Variants in BCKDHB observed in about 807,000 individuals in gnomAD.
BCKDHB encodes the protein branched chain keto acid dehydrogenase E1 subunit beta.
A neutral mutation model predicts 48.5 loss-of-function variants in BCKDHB; 41 were observed. That is an observed-to-expected ratio of 0.85 (90% CI 0.66 to 1.10). The LOEUF (loss-of-function observed/expected upper bound fraction) is 1.10. BCKDHB is among the 50% of genes least tolerant of loss of function. The pLI is 0.00. For synonymous variants in BCKDHB, 201 were observed against 174.8 expected (o/e 1.15, Z -1.18); for missense variants, 496 against 494.2 (o/e 1.00, Z -0.03).
Position 80,208,932 on chromosome 6 carries a change from A to G in BCKDHB, c.951+5720A>G, listed in dbSNP as rs75911965. 1.8e-4 allele frequency among the ~76,000 whole-genome samples: 28 copies of G among 151,964 alleles called. No homozygotes were observed. In the East Asian group the frequency reaches 5.0e-3, roughly 27 times the overall value. On this transcript the variant is annotated intron_variant, in intron 8 of 9. Coordinates refer to ENST00000320393, the MANE Select transcript of BCKDHB (RefSeq NM_183050.4). ...TAAGGCCAGCATAATCTTAATATCA[A>G]ACGTATTTAGGACAGTATAAGAAAG...
the BCKDHB span, among the ~76,000 whole-genome samples, chr6:80,425,866 G>A: frequency 6.6e-6 from 1 of 152,290 alleles, no homozygotes; most frequent in South Asian, 2.1e-4. Context: ...AAAGCAAGAA[G>A]CTTTCTTTGC....
At chr6:80,167,631 A>G (rs757318276) in intron 3 of BCKDHB, 47 bp from the exon 4 acceptor site, 2 of 1,528,954 alleles carry the variant, frequency 1.3e-6, no homozygotes, top group African/African-American at 1.4e-5. Flanking sequence ...TATGCATGAC[A>G]TTACTCTCAT....
intron 8 of BCKDHB, among the ~76,000 whole-genome samples, chr6:80,205,031 C>T (rs1424660148): frequency 1.3e-5 from 2 of 152,010 alleles, no homozygotes; most frequent in African/African-American, 2.4e-5. Context: ...TGCTTTCATC[C>T]GGTTGTGACA....
intron 8 of BCKDHB, among the ~76,000 whole-genome samples, chr6:80,217,604 C>T (rs188803508): frequency 1.1e-3 from 168 of 152,196 alleles, no homozygotes; most frequent in Non-Finnish European, 1.8e-3. Context: ...GCTTATAATG[C>T]AAAGTATCAT....
chr6:80,399,985 A>T, the BCKDHB span, among the ~76,000 whole-genome samples: 1 of 152,108 alleles, frequency 6.6e-6, no homozygotes, highest in African/African-American at 2.4e-5. Flanking sequence ...AATGGGAAAG[A>T]TTCCTTATTC....
chr6:80,391,554 T>C, the BCKDHB span, among the ~76,000 whole-genome samples: 1 of 152,144 alleles, frequency 6.6e-6, no homozygotes, highest in Non-Finnish European at 1.5e-5. Flanking sequence ...AGTAGGTTAT[T>C]CCCTAGAGCC....
At chr6:80,439,656 T>C in the BCKDHB span, among the ~76,000 whole-genome samples, 4 of 152,164 alleles carry the variant, frequency 2.6e-5, no homozygotes, top group African/African-American at 9.7e-5. Context: ...CAAAAACAAA[T>C]TTGTAACTAC....
the BCKDHB span, among the ~76,000 whole-genome samples, chr6:80,395,748 G>T: frequency 0.065 from 9,827 of 152,226 alleles, 468 homozygotes; most frequent in South Asian, 0.19. Context: ...CCTCAATGCA[G>T]CCCCTCTCAT....
the BCKDHB span, among the ~76,000 whole-genome samples, chr6:80,419,387 C>T: frequency 6.6e-6 from 1 of 152,100 alleles, no homozygotes; most frequent in Non-Finnish European, 1.5e-5. Flanking sequence ...GATGGCCAGG[C>T]TGGGGCCCCA....
chr6:80,239,547 T>C (rs1474150420), intron 8 of BCKDHB, among the ~76,000 whole-genome samples: 3 of 152,234 alleles, frequency 2.0e-5, no homozygotes, highest in Non-Finnish European at 4.4e-5. Context: ...TCCCATTCTG[T>C]AGGTTGCCTA....
At chr6:80,239,127 C>T (rs910632672) in intron 8 of BCKDHB, among the ~76,000 whole-genome samples, 4 of 152,062 alleles carry the variant, frequency 2.6e-5, no homozygotes, top group South Asian at 2.1e-4. Flanking sequence ...GTAATGAGAT[C>T]GCTAGGTCAG....
the BCKDHB span, among the ~76,000 whole-genome samples, chr6:80,381,089 G>C: frequency 6.6e-6 from 1 of 151,808 alleles, no homozygotes; most frequent in South Asian, 2.1e-4. Context: ...AAAATGATCT[G>C]GTATTATTTT....
At chr6:80,244,333 A>T (rs1776517401) in intron 8 of BCKDHB, among the ~76,000 whole-genome samples, 1 of 152,252 alleles carries the variant, frequency 6.6e-6, no homozygotes, top group African/African-American at 2.4e-5. Flanking sequence ...TGTAGAAGTA[A>T]TAACTAGGCA....
At chr6:80,354,626 A>G in the BCKDHB span, among the ~76,000 whole-genome samples, 1 of 152,126 alleles carries the variant, frequency 6.6e-6, no homozygotes, top group African/African-American at 2.4e-5. Context: ...GTTTTCTTCT[A>G]GTGTTTTTAT....
At chr6:80,396,118 A>T in the BCKDHB span, among the ~76,000 whole-genome samples, 1 of 152,212 alleles carries the variant, frequency 6.6e-6, no homozygotes, top group African/African-American at 2.4e-5. Context: ...TGGAGCTCCC[A>T]CACAGAGTCC....
intron 9 of BCKDHB, among the ~76,000 whole-genome samples, chr6:80,280,023 G>T (rs1420428364): frequency 6.6e-6 from 1 of 152,190 alleles, no homozygotes; most frequent in Non-Finnish European, 1.5e-5. Context: ...TTAGGCAAAG[G>T]ATTTGCTATT....
chr6:80,264,380 CTAATA>C (rs1268693620), intron 8 of BCKDHB, among the ~76,000 whole-genome samples: 4 of 152,128 alleles, frequency 2.6e-5, no homozygotes, highest in South Asian at 2.1e-4. Flanking sequence ...CTGGTTTGTA[CTAATA>C]TAATGTTCAA....
the BCKDHB span, among the ~76,000 whole-genome samples, chr6:80,403,087 T>C: frequency 1.3e-5 from 2 of 151,822 alleles, no homozygotes; most frequent in Non-Finnish European, 3.0e-5. Context: ...TGCTATTCTG[T>C]ATCTTTTGTG....
chr6:80,410,463 C>G, the BCKDHB span, among the ~76,000 whole-genome samples: 12 of 152,242 alleles, frequency 7.9e-5, no homozygotes, highest in South Asian at 2.5e-3. Context: ...TTGTGGTGTT[C>G]TCTATATTTC....
Sources: gnomAD v4.1 joint callset for allele counts (sites outside exome capture counted in the v4.1 genomes callset) on GRCh38, gnomAD v4.1.1 for gene constraint, MANE v1.5 for transcripts, NCBI Gene and HGNC (gene_info 2026-07-23, HGNC 2026-07-21) for gene names.